ANKS4B: variants seen among roughly 807,000 people sequenced by gnomAD.
ANKS4B encodes the protein ankyrin repeat and sterile alpha motif domain containing 4B, also known as ankyrin repeat and SAM domain-containing protein 4B.
Under a neutral mutation model 20.2 loss-of-function variants are expected in ANKS4B, and 21 were observed. The ratio of observed to expected loss-of-function variants is 1.04; its 90% confidence interval spans 0.74 to 1.50. The LOEUF is 1.50. Among genes scored for constraint, ANKS4B ranks in the 40% most tolerant of loss-of-function variants. ANKS4B has a pLI of 0.00. For synonymous variants in ANKS4B, 179 were observed against 194.5 expected, an observed-to-expected ratio of 0.92 and a Z score of 0.66; for missense variants, 473 against 494.6, an observed-to-expected ratio of 0.96 and a Z score of 0.41.
intron 1 of ANKS4B, among the ~76,000 whole-genome samples, chr16:21,239,615 T>G (rs949412868): frequency 2.6e-5 from 4 of 152,056 alleles, no homozygotes; most frequent in African/African-American, 9.7e-5. Context: ...TGCATGTGAG[T>G]GTTCATTGCA....
rs577554590 is a variant in ANKS4B, at chr16:21,250,253, C to G, written c.687C>G (p.Asn229Lys). The change falls in exon 2 of 2, where the codon AAC (asparagine) becomes AAG (lysine). Residue 229 changes from asparagine to lysine, a missense_variant. Asn to Lys is a moderately conservative substitution (Grantham distance 94). Transcript: ENST00000311620. ...VGKEGRSGQR[N>K]VMEVFREEEE... is the part of the protein sequence containing the mutation. ...AGGAAGGCAGAAGTGGGCAGAGGAA[C>G]GTGATGGAAGTGTTCAGAGAGGAAG... is the stretch of plus-strand genomic sequence containing the variant. 5 of 1,614,070 alleles carry G rather than the reference C, an allele frequency of 3.1e-6. No individual in the cohort carries two copies. The highest frequency in any genetic ancestry group is 4.2e-6 in the Non-Finnish European group (5 of 1,180,036).
intron 1 of ANKS4B, among the ~76,000 whole-genome samples, chr16:21,248,431 TTAAAAA>T (rs936711591): frequency 2.0e-5 from 3 of 151,766 alleles, no homozygotes; most frequent in African/African-American, 7.3e-5. Context: ...ATAGCCATTC[TTAAAAA>T]TAAAATTACA....
intron 1 of ANKS4B, among the ~76,000 whole-genome samples, chr16:21,246,491 T>C (rs568298193): frequency 1.3e-5 from 2 of 152,342 alleles, no homozygotes; most frequent in Admixed American, 6.5e-5. Context: ...AGAATGTTAG[T>C]ACAGGTTTTT....
Position 21,233,819 on chromosome 16 carries a change from T to C in ANKS4B, c.82T>C (p.Ser28Pro), listed in dbSNP as rs1367248549. 2.5e-6 allele frequency: 4 copies of C among 1,614,030 alleles called. No individual in the cohort carries two copies. The highest frequency in any genetic ancestry group is 2.7e-5 in the African/African-American group (2 of 75,030). ...KEATKRDLNL[S>P]DEDGMTPTLL... Reference sequence around the variant, plus strand: ...GGCTACCAAGCGAGATCTAAATCTTTCGGATGAAGACGGCATGACTCCTAC... The same window carrying C: ...GGCTACCAAGCGAGATCTAAATCTTCCGGATGAAGACGGCATGACTCCTAC... Residue 28 changes from serine (S) to proline (P), a missense_variant, in exon 1 of 2, where the codon TCG becomes CCG. By Grantham distance (74) the Ser-to-Pro change is moderately conservative. Coordinates refer to ENST00000311620, the MANE Select transcript of ANKS4B (RefSeq NM_145865.3).
chr16:21,239,447 G>A (rs1003703141), intron 1 of ANKS4B, among the ~76,000 whole-genome samples: 1 of 151,714 alleles, frequency 6.6e-6, no homozygotes, highest in African/African-American at 2.4e-5. Flanking sequence ...TGGGCGTGGT[G>A]GCACACACCT....
In ANKS4B at chr16:21,249,469, C is replaced by T. The variant is rs143879465; in HGVS notation, c.165-262C>T. Among the ~76,000 whole-genome samples the T allele has an allele frequency of 5.4e-3, 816 of 152,212 alleles. 7 individuals are homozygous for T. Among genetic ancestry groups the T allele is most frequent in the African/African-American group, 0.019 (775 of 41,538 alleles). ...TCCAGCCTGGGAGATAGAGTGAGAA[C>T]CTGTCTCAAAACAAAACAAAGGAAA... On this transcript the variant is annotated intron_variant, in intron 1 of 1. Coordinates refer to ENST00000311620, the MANE Select transcript of ANKS4B (RefSeq NM_145865.3).
intron 1 of ANKS4B, among the ~76,000 whole-genome samples, chr16:21,234,942 A>G (rs1034755651): frequency 2.6e-5 from 4 of 152,136 alleles, no homozygotes; most frequent in African/African-American, 9.7e-5. Context: ...CTTGAGCCCC[A>G]GGCTCAAGTG....
At position 21,249,981 on chromosome 16, in the gene ANKS4B, G is replaced by C; in HGVS notation, c.415G>C (p.Ala139Pro). ...PKKVTRLKEQ[A>P]QKNARRQIKE... is the part of the protein sequence containing the mutation. ...GAAGGTCACCAGGCTGAAGGAGCAG[G>C]CTCAGAAGAATGCCAGGAGGCAGAT... Residue 139 changes from alanine to proline, a missense_variant, in exon 2 of 2, where the codon GCT (alanine) becomes CCT (proline). By Grantham distance (27) the Ala-to-Pro change is conservative. Transcript: ENST00000311620. 6.2e-7 allele frequency: 1 copy of C among 1,614,214 alleles called. No individual in the cohort carries two copies. Among genetic ancestry groups the C allele is most frequent in the Non-Finnish European group, 8.5e-7 (1 of 1,180,030 alleles).
At chr16:21,241,579 T>G (rs2152859479) in intron 1 of ANKS4B, among the ~76,000 whole-genome samples, 1 of 152,170 alleles carries the variant, frequency 6.6e-6, no homozygotes, top group South Asian at 2.1e-4. Context: ...CCCCACTTAA[T>G]TTTTGTAGTT....
rs1007613560 is a variant in ANKS4B, at chr16:21,234,481, G to C, written c.164+580G>C. Among the ~76,000 whole-genome samples the C allele has an allele frequency of 5.6e-4, 49 of 87,062 alleles. 1 individual carries two copies. In the East Asian group the frequency reaches 0.01, roughly 18 times the overall value. The allele number at this position is 87,062 out of a possible 152,430, so 57.1% of individuals were successfully genotyped here. A position where few individuals can be genotyped will look rare whatever the true frequency, so the allele number is the denominator to read the frequency against. Reference sequence around the variant, plus strand: ...CTATCACTTCTTTGGCTAGTGGATAGATACACACACACACACACACACACA... The same window carrying C: ...CTATCACTTCTTTGGCTAGTGGATACATACACACACACACACACACACACA... On this transcript the variant is annotated intron_variant, in intron 1 of 1. Coordinates refer to ENST00000311620, the MANE Select transcript of ANKS4B (RefSeq NM_145865.3).
chr16:21,252,625 A>G lies in ANKS4B; in HGVS notation c.*1805A>G, dbSNP rs968783046. 6 of 152,252 alleles carry G rather than the reference A, an allele frequency of 3.9e-5. No individual in the cohort carries two copies. The highest frequency in any genetic ancestry group is 1.4e-4 in the African/African-American group (6 of 41,464). 9.4% of individuals were successfully genotyped at this position (152,252 alleles called of 1,614,324 possible). On this transcript the variant is annotated 3_prime_UTR_variant, in exon 2 of 2. Transcript: ENST00000311620. ...AAAAAAACTAAGTTCTTTGGAGGGAAGATTTGATTGTCAAAGGAAATTTCA... is the reference window on the plus strand; with the variant it reads ...AAAAAAACTAAGTTCTTTGGAGGGAGGATTTGATTGTCAAAGGAAATTTCA...
rs766409434 is a variant in ANKS4B, at chr16:21,247,070, C to CT, written c.165-2647dup. 5.0e-3 allele frequency among the ~76,000 whole-genome samples: 702 copies of CT among 139,226 alleles called. 3 individuals carry two copies. Among genetic ancestry groups the CT allele is most frequent in the African/African-American group, 0.014 (518 of 38,114 alleles). The allele number at this position is 139,226 out of a possible 152,430, so 91.3% of individuals were successfully genotyped here. ...AGTCTTCTGTACTTTTTTTGGTTTG[C>CT]TTTTTTTTTTTTTTGGAGAGAGTCT... On this transcript the variant is annotated intron_variant, in intron 1 of 1. Transcript: ENST00000311620.
intron 1 of ANKS4B, among the ~76,000 whole-genome samples, chr16:21,240,220 C>A (rs1022453856): frequency 6.6e-6 from 1 of 152,004 alleles, no homozygotes; most frequent in Non-Finnish European, 1.5e-5. Flanking sequence ...AAAAAAAATT[C>A]ATTTTACCTT....
chr16:21,250,334 G>A lies in ANKS4B; in HGVS notation c.768G>A (p.Glu256=). 6.2e-7 allele frequency: 1 copy of A among 1,614,184 alleles called. No homozygotes were observed. The highest frequency in any genetic ancestry group is 8.5e-7 in the Non-Finnish European group (1 of 1,180,036). ...AGAAGCTCCAGTTGTCAGCAGAGGA[G>A]GACGGCAGTGTGCACCATGAATCCA... ...FKEKLQLSAE[E]DGSVHHESIL... The change falls in exon 2 of 2, where the codon GAG becomes GAA. Residue 256 remains glutamate, a synonymous_variant. Transcript: ENST00000311620.
At chr16:21,248,389 A>G (rs955433660) in intron 1 of ANKS4B, among the ~76,000 whole-genome samples, 1 of 148,688 alleles carries the variant, frequency 6.7e-6, no homozygotes, top group Non-Finnish European at 1.5e-5. Flanking sequence ...TGGTGCAATC[A>G]TAGGTTACTG....
At chr16:21,239,457 T>C (rs959409793) in intron 1 of ANKS4B, among the ~76,000 whole-genome samples, 3 of 152,034 alleles carry the variant, frequency 2.0e-5, no homozygotes, top group Non-Finnish European at 4.4e-5. Flanking sequence ...GGCACACACC[T>C]GTAATTCCAG....
intron 1 of ANKS4B, among the ~76,000 whole-genome samples, chr16:21,239,827 A>G (rs147287356): frequency 6.6e-6 from 1 of 152,348 alleles, no homozygotes; most frequent in East Asian, 1.9e-4. Context: ...CAAACACCAC[A>G]TATTCTTACT....
intron 1 of ANKS4B, among the ~76,000 whole-genome samples, chr16:21,241,604 G>T (rs903912345): frequency 1.3e-5 from 2 of 151,908 alleles, no homozygotes; most frequent in Admixed American, 6.5e-5. Flanking sequence ...TAGAGATGAG[G>T]TTTCACCATG....
At chr16:21,239,329 C>G (rs1223617793) in intron 1 of ANKS4B, among the ~76,000 whole-genome samples, 2 of 152,264 alleles carry the variant, frequency 1.3e-5, no homozygotes, top group African/African-American at 4.8e-5. Context: ...AATCCTAGCA[C>G]TTTGGGAGGC....
Sources: gnomAD v4.1 joint callset for allele counts (sites outside exome capture counted in the v4.1 genomes callset) on GRCh38, gnomAD v4.1.1 for gene constraint, MANE v1.5 for transcripts, NCBI Gene and HGNC (gene_info 2026-07-23, HGNC 2026-07-21) for gene names.